The following ADAM12 variants were observed in gnomAD, a reference collection of about 807,000 sequenced individuals.
ADAM12 encodes disintegrin and metalloproteinase domain-containing protein 12.
In ADAM12, 70 loss-of-function variants were observed where a neutral mutation model predicts 106.4. The observed-to-expected ratio is 0.66, with a 90% CI of 0.54 to 0.80. The LOEUF (loss-of-function observed/expected upper bound fraction) is 0.80, where lower values mean the gene tolerates loss of function less well. ADAM12 is among the 30% of genes least tolerant of loss of function. The pLI, the probability that ADAM12 is intolerant of heterozygous loss-of-function variation, is 0.00. For synonymous variants in ADAM12, 420 were observed against 433.5 expected (o/e 0.97, Z 0.39); for missense variants, 1,010 against 1,171.9 (o/e 0.86, Z 2.02).
chr10:126,095,284 C>T (rs1258219818), intron 10 of ADAM12, among the ~76,000 whole-genome samples: 1 of 150,984 alleles, frequency 6.6e-6, no homozygotes, highest in East Asian at 1.9e-4. Context: ...CCTGTAATCC[C>T]AGCACTTTGC....
intron 14 of ADAM12, among the ~76,000 whole-genome samples, chr10:126,051,568 T>TCCAGCCAGCCAG (rs1263650818): frequency 1.1e-5 from 1 of 94,896 alleles, no homozygotes; most frequent in East Asian, 8.9e-4. Context: ...CATCCATCCA[T>TCCAGCCAGCCAG]CCATCCATCC....
chr10:126,072,753 A>G (rs1955023077), intron 11 of ADAM12, among the ~76,000 whole-genome samples: 2 of 152,222 alleles, frequency 1.3e-5, no homozygotes, highest in African/African-American at 4.8e-5. Flanking sequence ...AAGGATTATT[A>G]AGGTATAAGC....
chr10:126,100,197 C>T (rs1204913060), intron 9 of ADAM12, among the ~76,000 whole-genome samples: 4 of 152,026 alleles, frequency 2.6e-5, no homozygotes, highest in African/African-American at 9.7e-5. Flanking sequence ...TGGTTCCTAA[C>T]GGGTGATGCA....
intron 18 of ADAM12, chr10:126,041,232 A>G (rs7899988): frequency 0.78 from 492,646 of 633,004 alleles, 192,166 homozygotes; most frequent in Admixed American, 0.82. Context: ...GCAGACACAC[A>G]AGTACTTGTT....
chr10:126,334,708 C>T (rs1031246085), intron 1 of ADAM12, among the ~76,000 whole-genome samples: 5 of 152,176 alleles, frequency 3.3e-5, no homozygotes, highest in African/African-American at 1.2e-4. Context: ...CCTGCCCCAT[C>T]CTTGCTCTAG....
At chr10:126,335,422 T>C (rs1251204440) in intron 1 of ADAM12, among the ~76,000 whole-genome samples, 1 of 152,194 alleles carries the variant, frequency 6.6e-6, no homozygotes, top group African/African-American at 2.4e-5. Context: ...GGGGCAGCCA[T>C]TTGCCAAGAA....
intron 3 of ADAM12, among the ~76,000 whole-genome samples, chr10:126,221,181 C>T (rs532191904): frequency 2.0e-5 from 3 of 152,112 alleles, no homozygotes; most frequent in East Asian, 1.9e-4. Flanking sequence ...GTCAGGAGTT[C>T]GAGACCAGCC....
chr10:126,205,230 T>C (rs1957774536), intron 3 of ADAM12, among the ~76,000 whole-genome samples: 1 of 152,144 alleles, frequency 6.6e-6, no homozygotes, highest in Admixed American at 6.5e-5. Flanking sequence ...AAGTTGTACC[T>C]TGCTTCCCAG....
chr10:126,078,702 T>C (rs1955150863), intron 11 of ADAM12, among the ~76,000 whole-genome samples: 1 of 152,128 alleles, frequency 6.6e-6, no homozygotes, highest in African/African-American at 2.4e-5. Context: ...TTTTTCTTCT[T>C]TTATACTTTT....
rs547538221 is a variant in ADAM12, at chr10:126,199,352, T to G, written c.261-44047A>C. 3.9e-5 allele frequency among the ~76,000 whole-genome samples: 6 copies of G among 152,296 alleles called. No individual in the cohort carries two copies. The East Asian group carries it at 1.2e-3, about 29-fold the overall frequency. On this transcript the variant is annotated intron_variant, in intron 3 of 22. Coordinates refer to ENST00000448723, the MANE Select transcript of ADAM12 (RefSeq NM_001288973.2). The stretch of plus-strand genomic sequence containing the variant: ...TCCCGCTGAAATGGCCGGTGTTCAT[T>G]TCAAGTCATGCCAACAATCATATCT...
intron 14 of ADAM12, among the ~76,000 whole-genome samples, chr10:126,052,986 C>T (rs1954543019): frequency 6.6e-6 from 1 of 152,108 alleles, no homozygotes; most frequent in Non-Finnish European, 1.5e-5. Context: ...GAGGTAGGAC[C>T]TGGTAGGAGG....
At chr10:126,227,854 C>T (rs1791491680) in intron 3 of ADAM12, among the ~76,000 whole-genome samples, 1 of 152,140 alleles carries the variant, frequency 6.6e-6, no homozygotes. Context: ...AGAGAGAGAG[C>T]TGGGAGTGGA....
At chr10:126,304,324 G>A (rs1176935017) in intron 2 of ADAM12, among the ~76,000 whole-genome samples, 1 of 148,062 alleles carries the variant, frequency 6.8e-6, no homozygotes, top group African/African-American at 2.5e-5. Context: ...AAGGAAGGGA[G>A]GGAGGGAGGG....
chr10:126,099,365 CCTCCCTCCCTCT>C (rs1196290820), intron 9 of ADAM12, among the ~76,000 whole-genome samples: 5 of 151,262 alleles, frequency 3.3e-5, no homozygotes, highest in African/African-American at 4.9e-5. Flanking sequence ...TCCCTCCTTC[CCTCCCTCCCTCT>C]CTCCCTCCCT....
intron 3 of ADAM12, among the ~76,000 whole-genome samples, chr10:126,214,184 A>T (rs1957947101): frequency 6.6e-6 from 1 of 152,240 alleles, no homozygotes; most frequent in Admixed American, 6.5e-5. Flanking sequence ...ACAGCTACTA[A>T]GGAATGATTG....
chr10:126,131,572 T>C (rs1291904681), intron 5 of ADAM12, among the ~76,000 whole-genome samples: 1 of 152,110 alleles, frequency 6.6e-6, no homozygotes, highest in Non-Finnish European at 1.5e-5. Flanking sequence ...CATGATGGGA[T>C]TCGTGCCCTT....
chr10:126,312,539 T>C (rs1202655035), intron 2 of ADAM12, among the ~76,000 whole-genome samples: 2 of 152,000 alleles, frequency 1.3e-5, no homozygotes, highest in African/African-American at 2.4e-5. Context: ...GTGTGGTCAG[T>C]GGAGTCTGGG....
chr10:126,123,671 G>A (rs925503187), intron 5 of ADAM12, among the ~76,000 whole-genome samples: 11 of 152,222 alleles, frequency 7.2e-5, no homozygotes, highest in Admixed American at 1.3e-4. Context: ...AAGGTGCGCA[G>A]GTGGCAGAGC....
At chr10:126,074,715 C>T (rs1322601030) in intron 11 of ADAM12, among the ~76,000 whole-genome samples, 1 of 152,324 alleles carries the variant, frequency 6.6e-6, no homozygotes, top group East Asian at 1.9e-4. Context: ...ATCCAATTCA[C>T]GGGTTTTCAA....
Sources: gnomAD v4.1 joint callset for allele counts (sites outside exome capture counted in the v4.1 genomes callset) on GRCh38, gnomAD v4.1.1 for gene constraint, MANE v1.5 for transcripts, NCBI Gene and HGNC (gene_info 2026-07-23, HGNC 2026-07-21) for gene names.